Variants in NECAB3 observed in about 807,000 individuals in gnomAD.
NECAB3 encodes the protein N-terminal EF-hand calcium-binding protein 3.
In NECAB3, 38 loss-of-function variants were observed where a neutral mutation model predicts 57.2. The ratio of observed to expected loss-of-function variants is 0.66; its 90% CI spans 0.51 to 0.87. The LOEUF (loss-of-function observed/expected upper bound fraction) is 0.87. Among genes scored for constraint, NECAB3 ranks in the 40% least tolerant of loss-of-function variants. The probability of loss-of-function intolerance (pLI) is 0.00; values close to 1 mark genes in which losing one functional copy is unlikely to be tolerated. For missense variants in NECAB3, 474 were observed against 527.5 expected (o/e 0.90, Z 0.99); for synonymous variants, 223 against 222.6 (o/e 1.00, Z -0.02).
rs2017457615 is a variant in NECAB3 at position 33,660,971 on chromosome 20, C to T, written c.388-576G>A. The stretch of plus-strand genomic sequence containing the variant: ...GACACTGCCAGCCTCCTCCCAGCCC[C>T]TCTCAGGGTGGCAGAGAGGCAGGGA... On this transcript the variant is annotated intron_variant, in intron 5 of 11. Coordinates refer to ENST00000246190, the MANE Select transcript of NECAB3 (RefSeq NM_031232.4). This position sits in a 1 kb window ranked among gnomAD's most constrained non-coding sequence, Gnocchi z 4.1. Among the ~76,000 whole-genome samples, 1 of 152,134 alleles carries T rather than the reference C, an allele frequency of 6.6e-6. No individual in the cohort carries two copies.
At chr20:33,659,794 T>C (rs2017403602) in intron 7 of NECAB3, 62 bp from the exon 8 acceptor site, 1 of 1,533,050 alleles carries the variant, frequency 6.5e-7, no homozygotes. Flanking sequence ...GTGCTCAGAA[T>C]GAAGTGAGGG....
At chr20:33,663,773 C>T in intron 5 of NECAB3, 1 of 1,438,538 alleles carries the variant, frequency 7.0e-7, no homozygotes, top group Admixed American at 2.8e-5. Flanking sequence ...CGGCTGCTCT[C>T]GCGCTTCCGG....
chr20:33,663,874 G>C, intron 5 of NECAB3: 7 of 1,388,052 alleles, frequency 5.0e-6, no homozygotes, highest in Non-Finnish European at 6.5e-6. Flanking sequence ...TTAAACGCTT[G>C]GCCCGGACCC....
intron 5 of NECAB3, chr20:33,665,611 G>A (rs2017622509): frequency 6.6e-6 from 1 of 152,178 alleles, no homozygotes. Context: ...CTTATTTTGG[G>A]TTACATTCAC....
At position 33,658,518 on chromosome 20, in the gene NECAB3, G is replaced by T; in HGVS notation, c.1029C>A (p.Phe343Leu). ...SAQKMLDGAS[F>L]TLYEFWQDEA... is the part of the protein sequence containing the mutation. Reference sequence around the variant, plus strand: ...CATCCTGCCAGAACTCATACAGGGTGAAGGAGGCACCGTCCAGCATCTTCT... The same window carrying T: ...CATCCTGCCAGAACTCATACAGGGTTAAGGAGGCACCGTCCAGCATCTTCT... Residue 343 changes from phenylalanine to leucine, a missense_variant, in exon 10 of 12, where the codon TTC becomes TTA. Phe to Leu is a conservative substitution (Grantham distance 22). Coordinates refer to ENST00000246190, the MANE Select transcript of NECAB3 (RefSeq NM_031232.4). 1 of 1,614,078 alleles carries T rather than the reference G, an allele frequency of 6.2e-7. No individual in the cohort carries two copies. The highest frequency in any genetic ancestry group is 1.1e-5 in the South Asian group (1 of 91,076).
intron 5 of NECAB3, chr20:33,662,328 G>C (rs375464127): frequency 2.8e-5 from 43 of 1,550,626 alleles, no homozygotes; most frequent in Middle Eastern, 1.7e-4. Flanking sequence ...ATCGTCCCCA[G>C]TGGTGACCAG....
In NECAB3 at chr20:33,669,707, A is replaced by C; in HGVS notation, c.269T>G (p.Leu90Ter). The C allele has an allele frequency of 6.3e-7, 1 of 1,595,088 alleles. No homozygotes were observed. The highest frequency in any genetic ancestry group is 8.5e-7 in the Non-Finnish European group (1 of 1,170,562). The change falls in exon 4 of 12, where the codon TTA becomes TGA. Residue 90 changes from leucine to a stop codon, truncating the protein, a stop_gained. Coordinates refer to ENST00000246190, the MANE Select transcript of NECAB3 (RefSeq NM_031232.4). LOFTEE classifies it high-confidence loss of function. ...SGIDGHLTDN[L>*]ETEKLCDYFS... ...CTCACCACACAGTTTTTCTGTTTCT[A>C]AATTGCTGCAGGGAAAAGAGAAGGC...
Position 33,672,502 on chromosome 20 carries a change from CAGCT to C in NECAB3, c.130-84_130-81del. On this transcript the variant is annotated intron_variant, in intron 1 of 11. Coordinates refer to ENST00000246190, the MANE Select transcript of NECAB3 (RefSeq NM_031232.4). Reference sequence around the variant, plus strand: ...GCCCCCACTCAACCCGACAGGGTCCCAGCTGGCCGACCTACCCCCTGCCTCGCCT... The same window carrying C: ...GCCCCCACTCAACCCGACAGGGTCCCGGCCGACCTACCCCCTGCCTCGCCT... 4 of 1,572,004 alleles carry C rather than the reference CAGCT, an allele frequency of 2.5e-6. No individual in the cohort carries two copies. In the South Asian group the frequency reaches 4.4e-5, roughly 17 times the overall value.
intron 1 of NECAB3, among the ~76,000 whole-genome samples, chr20:33,673,136 C>T (rs2017866559): frequency 6.6e-6 from 1 of 152,144 alleles, no homozygotes; most frequent in African/African-American, 2.4e-5. Flanking sequence ...TGAAGAGCAA[C>T]AGAGGCAGAG....
At position 33,668,346 on chromosome 20, in the gene NECAB3, G is replaced by C. The variant is rs1235358552; in HGVS notation, c.387+1029C>G. The C allele has an allele frequency of 7.5e-6, 11 of 1,458,960 alleles. No homozygotes were observed. In the East Asian group the frequency reaches 2.3e-4, roughly 31 times the overall value. 90.4% of individuals were successfully genotyped at this position (1,458,960 alleles called of 1,614,324 possible). A position where few individuals can be genotyped will look rare whatever the true frequency, so the allele number is the denominator to read the frequency against. ...CCTGGAGGTTGGAGCTGACTGGATG[G>C]GTCACCCCCATACCCTTTCTGGGCC... On this transcript the variant is annotated intron_variant, in intron 5 of 11. Transcript: ENST00000246190.
intron 2 of NECAB3, among the ~76,000 whole-genome samples, chr20:33,671,300 C>T (rs1215046270): frequency 6.6e-6 from 1 of 152,158 alleles, no homozygotes; most frequent in Non-Finnish European, 1.5e-5. Context: ...CTCCCCATCA[C>T]AGGGGCATGT....
At chr20:33,667,607 C>T (rs2017705958) in intron 5 of NECAB3, 3 of 1,588,322 alleles carry the variant, frequency 1.9e-6, no homozygotes, top group Middle Eastern at 1.7e-4. Flanking sequence ...GCGGGTCACT[C>T]GTGGCACCAG....
In NECAB3 at chr20:33,659,531, A is replaced by G; in HGVS notation, c.845T>C (p.Leu282Pro). 2.0e-6 allele frequency: 3 copies of G among 1,535,510 alleles called. No individual in the cohort carries two copies. The highest frequency in any genetic ancestry group is 2.6e-6 in the Non-Finnish European group (3 of 1,136,440). Residue 282 changes from leucine (L) to proline (P), a missense_variant, in exon 8 of 12, where the codon CTG (leucine) becomes CCG (proline). Transcript: ENST00000246190. ...CCCCTTGGCCAGGTCCTCTTCACGC[A>G]GGGGTTCCAGCCGGGGGGCCTGTGA... is the stretch of plus-strand genomic sequence containing the variant. ...VPSQAPRLEP[L>P]REEDLAKGPD... is the part of the protein sequence containing the mutation.
At chr20:33,672,571 T>A (rs950218513) in intron 1 of NECAB3, 149 bp from the exon 2 acceptor site, 9 of 873,072 alleles carry the variant, frequency 1.0e-5, no homozygotes, top group Non-Finnish European at 1.7e-5. Flanking sequence ...CCTGCCCAGC[T>A]CAGCCCTGCA....
intron 5 of NECAB3, chr20:33,663,460 C>A (rs1002171229): frequency 1.3e-6 from 2 of 1,491,346 alleles, no homozygotes. Context: ...CCAGGAGAAG[C>A]GCGGAGCGGC....
Position 33,660,261 on chromosome 20 carries a change from C to T in NECAB3, c.522G>A (p.Trp174Ter), listed in dbSNP as rs1219832988. Residue 174 changes from tryptophan to a stop codon, truncating the protein, a stop_gained and splice_region_variant, in exon 6 of 12, where the codon TGG becomes TGA. Coordinates refer to ENST00000246190, the MANE Select transcript of NECAB3 (RefSeq NM_031232.4). LOFTEE classifies it high-confidence loss of function. This position sits in a 1 kb window ranked among gnomAD's most constrained non-coding sequence, Gnocchi z 4.1. The stretch of plus-strand genomic sequence containing the variant: ...AGGTTGACAGCACCCTTACATACCG[C>T]CAGCCATGGGCCTGGGCCTCCAGGG... ...SDTLEAQAHG[W>*]RSDAESVEAQ... is the part of the protein sequence containing the mutation. The T allele has an allele frequency of 1.2e-6, 2 of 1,612,400 alleles. No homozygotes were observed. The highest frequency in any genetic ancestry group is 1.7e-5 in the Admixed American group (1 of 59,964).
intron 3 of NECAB3, 53 bp from the exon 4 acceptor site, chr20:33,669,765 T>A: frequency 1.3e-6 from 2 of 1,531,918 alleles, no homozygotes; most frequent in Admixed American, 4.5e-5. Flanking sequence ...AAACTGGGAC[T>A]AATGGGGCCA....
Position 33,669,405 on chromosome 20 carries a change from T to C in NECAB3, c.357A>G (p.Ala119=). Residue 119 remains alanine (A), a synonymous_variant, in exon 5 of 12, where the codon GCA becomes GCG. Transcript: ENST00000246190. ...TGGTGGCATCCATGGCAGCGAGCAC[T>C]GCACGGTTCAGCGATTCCAATGCAG... ...VLAALESLNR[A]VLAAMDATKL... is the part of the protein sequence containing the mutation. 3 of 1,613,596 alleles carry C rather than the reference T, an allele frequency of 1.9e-6. No homozygotes were observed. Among genetic ancestry groups the C allele is most frequent in the South Asian group, 1.1e-5 (1 of 91,084 alleles).
At chr20:33,669,253 G>T in intron 5 of NECAB3, 122 bp downstream of exon 5, 2 of 943,414 alleles carry the variant, frequency 2.1e-6, no homozygotes, top group Non-Finnish European at 3.2e-6. Context: ...CAAAGTGGGA[G>T]CCAGGATTTG....
Sources: allele counts gnomAD v4.1 joint callset (sites outside exome capture counted in the v4.1 genomes callset), GRCh38; gene constraint gnomAD v4.1.1; non-coding constraint Gnocchi (gnomAD v3.1); transcripts MANE v1.5; gene names NCBI Gene and HGNC (gene_info 2026-07-23, HGNC 2026-07-21).